Variants in PXYLP1 observed in about 807,000 individuals in gnomAD.
The protein encoded by PXYLP1 is 2-phosphoxylose phosphatase 1, also known as acid phosphatase-like 2.
In PXYLP1, 17 loss-of-function variants were observed where a neutral mutation model predicts 37.9. The observed-to-expected ratio is 0.45, with a 90% confidence interval of 0.31 to 0.67. The LOEUF is 0.67. Ranked by LOEUF, PXYLP1 falls within the 30% of genes least tolerant of loss-of-function variation. PXYLP1 has a pLI of 0.07. For synonymous variants in PXYLP1, 221 were observed against 232.2 expected (o/e 0.95, Z 0.44); for missense variants, 511 against 612.0 (o/e 0.84, Z 1.74).
chr3:141,265,599 C>T (rs1941488928), intron 2 of PXYLP1, among the ~76,000 whole-genome samples: 4 of 152,036 alleles, frequency 2.6e-5, no homozygotes, highest in Admixed American at 2.0e-4. Flanking sequence ...AGCCAAGAGA[C>T]GTCATGGTGG....
chr3:141,268,550 C>T (rs561310940), intron 2 of PXYLP1, among the ~76,000 whole-genome samples: 2 of 152,170 alleles, frequency 1.3e-5, no homozygotes, highest in Non-Finnish European at 2.9e-5. Context: ...GGAGGAAGCC[C>T]ACCTTGAAAT....
In PXYLP1 at chr3:141,293,604, G is replaced by A. The variant is rs1467341747; in HGVS notation, c.*399G>A. On this transcript the variant is annotated 3_prime_UTR_variant, in exon 6 of 6. Coordinates refer to ENST00000286353, the MANE Select transcript of PXYLP1 (RefSeq NM_001037172.3). ...GACATTTTTACCTTGTCCTTGTTAA[G>A]AATTTCTTGAAGTGATTTATCTAAA... 2 of 169,356 alleles carry A rather than the reference G, an allele frequency of 1.2e-5. No homozygotes were observed. Among genetic ancestry groups the A allele is most frequent in the African/African-American group, 4.8e-5 (2 of 41,824 alleles). The allele number at this position is 169,356 out of a possible 1,614,324, so 10.5% of individuals were successfully genotyped here. A position where few individuals can be genotyped will look rare whatever the true frequency, so the allele number is the denominator to read the frequency against.
chr3:141,279,289 CA>C, intron 3 of PXYLP1, 88 bp from the exon 4 acceptor site: 1 of 1,531,004 alleles, frequency 6.5e-7, no homozygotes, highest in South Asian at 1.2e-5. Flanking sequence ...ATTCCCAGCC[CA>C]AATGTGGCCA....
At chr3:141,242,385 C>T (rs1576574965) in intron 1 of PXYLP1, among the ~76,000 whole-genome samples, 3 of 152,112 alleles carry the variant, frequency 2.0e-5, no homozygotes, top group East Asian at 1.9e-4. Flanking sequence ...CACCCTGGCC[C>T]GAAAAAGGAA....
Position 141,292,704 on chromosome 3 carries a change from C to G in PXYLP1, c.942C>G (p.Gly314=). Residue 314 remains glycine (G), a synonymous_variant, in exon 6 of 6, where the codon GGC becomes GGG. Coordinates refer to ENST00000286353, the MANE Select transcript of PXYLP1 (RefSeq NM_001037172.3). This position sits in a 1 kb window ranked among gnomAD's most constrained non-coding sequence, Gnocchi z 4.3. ...HNVSFPCTRN[G]CVDMEHFKVI... ...TCAGCTTTCCCTGTACCAGAAATGG[C>G]TGTGTTGACATGGAGCACTTCAAGG... 1 of 1,614,034 alleles carries G rather than the reference C, an allele frequency of 6.2e-7. No individual in the cohort carries two copies.
chr3:141,292,787 TC>T lies in PXYLP1; in HGVS notation c.1026del (p.Phe342LeufsTer12). 1 of 1,613,334 alleles carries T rather than the reference TC, an allele frequency of 6.2e-7. No individual in the cohort carries two copies. The highest frequency in any genetic ancestry group is 8.5e-7 in the Non-Finnish European group (1 of 1,179,670). The part of the protein sequence containing the change: ...ERERREKKLY[F>X]GYSLLGAHPI... ...GAAAGACGGGAGAAGAAATTGTACT[TC>T]GGGTATTCTCTCCTGGGTGCCCACC... On this transcript the variant is annotated frameshift_variant, in exon 6 of 6. Transcript: ENST00000286353. LOFTEE classifies it high-confidence loss of function. The surrounding 1 kb of genome is among the most constrained non-coding windows in gnomAD (Gnocchi z 4.3).
intron 1 of PXYLP1, among the ~76,000 whole-genome samples, chr3:141,255,052 G>A (rs188832039): frequency 9.8e-5 from 15 of 152,298 alleles, no homozygotes; most frequent in East Asian, 3.9e-4. Context: ...TGCCTTTGAC[G>A]TGTTCTTTTT....
In PXYLP1 at chr3:141,280,049, C is replaced by A. The variant is rs77706426; in HGVS notation, c.365+545C>A. 3.9e-4 allele frequency among the ~76,000 whole-genome samples: 59 copies of A among 152,282 alleles called. No individual in the cohort carries two copies. In the East Asian group the frequency reaches 0.011, roughly 29 times the overall value. ...GAGGCAGCCTGTTCTTGGTTGAAAG[C>A]CCTTAGGATGAAAAATAATTGAACA... On this transcript the variant is annotated intron_variant, in intron 4 of 5. Transcript: ENST00000286353.
intron 2 of PXYLP1, among the ~76,000 whole-genome samples, chr3:141,267,870 T>TCTCTCTCCCTCTCTCC (rs149331872): frequency 0.15 from 22,668 of 149,638 alleles, 2,203 homozygotes; most frequent in African/African-American, 0.28. Context: ...TCCCTCTCTG[T>TCTCTCTCCCTCTCTCC]CTCTCTCCCT....
At chr3:141,274,658 G>A (rs1413936653) in intron 2 of PXYLP1, 10 of 720,178 alleles carry the variant, frequency 1.4e-5, no homozygotes, top group East Asian at 8.0e-5. Flanking sequence ...GTCAGTCAGC[G>A]GGGGATATAA....
chr3:141,266,655 G>A (rs1480774321), intron 2 of PXYLP1, among the ~76,000 whole-genome samples: 1 of 140,572 alleles, frequency 7.1e-6, no homozygotes, highest in Non-Finnish European at 1.5e-5. Context: ...GAGGGAGAGA[G>A]GGAGAGAGAG....
chr3:141,249,721 A>G (rs1039030343), intron 1 of PXYLP1, among the ~76,000 whole-genome samples: 10 of 152,188 alleles, frequency 6.6e-5, no homozygotes, highest in East Asian at 3.8e-4. Context: ...TGAGGTACTT[A>G]TAGCTTCTCG....
At chr3:141,241,533 TAA>T (rs1481694919) in intron 1 of PXYLP1, among the ~76,000 whole-genome samples, 1 of 152,156 alleles carries the variant, frequency 6.6e-6, no homozygotes, top group Non-Finnish European at 1.5e-5. Context: ...AGGTGGTGCT[TAA>T]GCTGAGTTTA....
rs374895154 is a variant in PXYLP1, at chr3:141,273,700, A to T, written c.80-4642A>T. 635 of 985,396 alleles carry T rather than the reference A, an allele frequency of 6.4e-4. 10 individuals are homozygous for T. In the South Asian group the frequency reaches 0.027, roughly 41 times the overall value. The allele number at this position is 985,396 out of a possible 1,614,324, so 61.0% of individuals were successfully genotyped here. Reference sequence around the variant, plus strand: ...ACACATGAGGGTTATAGATGTGTGGACAGGATGAAAGTGATCGTAGATGAG... The same window carrying T: ...ACACATGAGGGTTATAGATGTGTGGTCAGGATGAAAGTGATCGTAGATGAG... On this transcript the variant is annotated intron_variant, in intron 2 of 5. Transcript: ENST00000286353.
chr3:141,277,514 T>G (rs950202241), intron 2 of PXYLP1, among the ~76,000 whole-genome samples: 1 of 151,940 alleles, frequency 6.6e-6, no homozygotes, highest in Non-Finnish European at 1.5e-5. Flanking sequence ...TCTTACAGAT[T>G]AGCATCCGAA....
intron 2 of PXYLP1, among the ~76,000 whole-genome samples, chr3:141,264,777 C>G (rs1941467808): frequency 6.6e-6 from 1 of 152,240 alleles, no homozygotes; most frequent in Non-Finnish European, 1.5e-5. Context: ...TTTACCCTCT[C>G]TGTGCCTTGG....
chr3:141,273,830 G>C lies in PXYLP1; in HGVS notation c.80-4512G>C, dbSNP rs138751230. 3.2e-4 allele frequency: 319 copies of C among 985,266 alleles called. 1 individual carries two copies. The African/African-American group carries it at 5.3e-3, about 16-fold the overall frequency. 61.0% of individuals were successfully genotyped at this position (985,266 alleles called of 1,614,324 possible). A position where few individuals can be genotyped will look rare whatever the true frequency, so the allele number is the denominator to read the frequency against. On this transcript the variant is annotated intron_variant, in intron 2 of 5. Transcript: ENST00000286353. ...CACACCACAGAGAAATTGCATGCCC[G>C]TTGGTACAGAGTTAATCATCAGTAA...
intron 2 of PXYLP1, among the ~76,000 whole-genome samples, chr3:141,270,902 C>CATTT (rs1447979691): frequency 2.6e-4 from 40 of 152,200 alleles, no homozygotes; most frequent in African/African-American, 9.4e-4. Flanking sequence ...TTCATTCATT[C>CATTT]ATTTATAAGA....
At chr3:141,286,893 C>A (rs1321638642) in intron 4 of PXYLP1, among the ~76,000 whole-genome samples, 1 of 152,132 alleles carries the variant, frequency 6.6e-6, no homozygotes, top group African/African-American at 2.4e-5. Context: ...TGGAGAAGCA[C>A]CAGGAGAAAG....
Sources: gnomAD v4.1 joint callset for allele counts (sites outside exome capture counted in the v4.1 genomes callset) on GRCh38, gnomAD v4.1.1 for gene constraint, Gnocchi (gnomAD v3.1) non-coding constraint, MANE v1.5 for transcripts, NCBI Gene and HGNC (gene_info 2026-07-23, HGNC 2026-07-21) for gene names.